NELL2: variants seen among roughly 807,000 people sequenced by gnomAD.
NELL2 encodes protein kinase C-binding protein NELL2.
A neutral mutation model predicts 109.6 loss-of-function variants in NELL2; 41 were observed. The observed-to-expected ratio is 0.37, with a 90% CI of 0.29 to 0.49. The LOEUF is 0.49. NELL2 is among the 20% of genes least tolerant of loss of function. The pLI is 0.98. For synonymous variants in NELL2, 355 were observed against 344.7 expected, an observed-to-expected ratio of 1.03 and a Z score of -0.33; for missense variants, 900 against 1,008.3, an observed-to-expected ratio of 0.89 and a Z score of 1.45.
At chr12:44,849,011 G>A (rs908234509) in intron 2 of NELL2, among the ~76,000 whole-genome samples, 2 of 152,110 alleles carry the variant, frequency 1.3e-5, no homozygotes, top group East Asian at 1.9e-4. Context: ...TAAGCAAAAC[G>A]ATGTTGTGAC....
chr12:44,624,476 C>G (rs1429790452), intron 13 of NELL2, among the ~76,000 whole-genome samples: 15 of 152,086 alleles, frequency 9.9e-5, no homozygotes, highest in Admixed American at 9.2e-4. Context: ...CAGCACCTCC[C>G]TCCTCACTAT....
At chr12:44,809,250 T>C (rs1351174363) in intron 3 of NELL2, among the ~76,000 whole-genome samples, 2 of 152,062 alleles carry the variant, frequency 1.3e-5, no homozygotes, top group Non-Finnish European at 2.9e-5. Flanking sequence ...ATAAATTTCT[T>C]TTATTTTTAC....
intron 13 of NELL2, among the ~76,000 whole-genome samples, chr12:44,613,391 A>T (rs573586025): frequency 1.4e-4 from 21 of 152,282 alleles, no homozygotes; most frequent in African/African-American, 5.1e-4. Context: ...AAATGAATAG[A>T]TGGGGCAAGA....
At chr12:44,786,268 A>G (rs1281028104) in intron 3 of NELL2, among the ~76,000 whole-genome samples, 1 of 152,216 alleles carries the variant, frequency 6.6e-6, no homozygotes, top group Non-Finnish European at 1.5e-5. Flanking sequence ...CAACAAACAC[A>G]TGAAAAAAAG....
chr12:44,693,825 C>T (rs1008712432), intron 12 of NELL2, among the ~76,000 whole-genome samples: 1 of 152,106 alleles, frequency 6.6e-6, no homozygotes, highest in African/African-American at 2.4e-5. Context: ...AGGAATGATT[C>T]TCATGAAAAA....
chr12:44,646,810 C>T (rs1207637295), intron 13 of NELL2, among the ~76,000 whole-genome samples: 1 of 152,124 alleles, frequency 6.6e-6, no homozygotes, highest in Non-Finnish European at 1.5e-5. Context: ...ATTTTGAATG[C>T]TAAGTCAAAA....
chr12:44,742,930 A>G (rs2136503729), intron 9 of NELL2, among the ~76,000 whole-genome samples: 1 of 152,326 alleles, frequency 6.6e-6, no homozygotes, highest in Non-Finnish European at 1.5e-5. Flanking sequence ...ACCAACATTC[A>G]GATTCAGGAA....
At chr12:44,828,894 A>G (rs1221884894) in intron 2 of NELL2, among the ~76,000 whole-genome samples, 2 of 152,206 alleles carry the variant, frequency 1.3e-5, no homozygotes, top group African/African-American at 4.8e-5. Flanking sequence ...ATTTTCCTCC[A>G]GAGACAGTAG....
intron 9 of NELL2, among the ~76,000 whole-genome samples, chr12:44,750,096 C>A (rs891804649): frequency 6.6e-6 from 1 of 152,100 alleles, no homozygotes; most frequent in Non-Finnish European, 1.5e-5. Context: ...GTCCCCTCCT[C>A]TGCAAAGGTT....
In NELL2 at chr12:44,613,489, C is replaced by T. The variant is rs147777227; in HGVS notation, c.1445-2519G>A. Among the ~76,000 whole-genome samples the T allele has an allele frequency of 1.8e-4, 28 of 152,162 alleles. No homozygotes were observed. The East Asian group carries it at 1.9e-3, about 10-fold the overall frequency. Reference sequence around the variant, plus strand: ...GCCAAACACAGAGCTCTTAAAAATCCGAGCTGTTTTTCACATTGATTTTAC... The same window carrying T: ...GCCAAACACAGAGCTCTTAAAAATCTGAGCTGTTTTTCACATTGATTTTAC... On this transcript the variant is annotated intron_variant, in intron 13 of 19. Coordinates refer to ENST00000429094, the MANE Select transcript of NELL2 (RefSeq NM_001145108.2).
intron 13 of NELL2, among the ~76,000 whole-genome samples, chr12:44,625,968 GA>G (rs113259665): frequency 6.7e-6 from 1 of 150,152 alleles, no homozygotes; most frequent in Non-Finnish European, 1.5e-5. Flanking sequence ...AAGGTAATTG[GA>G]AAAAAAAATC....
intron 1 of NELL2, among the ~76,000 whole-genome samples, chr12:44,910,603 C>G (rs1945768768): frequency 6.6e-6 from 1 of 151,844 alleles, no homozygotes; most frequent in Non-Finnish European, 1.5e-5. Context: ...AATTCCATTA[C>G]CAGATATATA....
chr12:44,816,946 C>CAT (rs1943373111), intron 2 of NELL2, among the ~76,000 whole-genome samples: 1 of 152,226 alleles, frequency 6.6e-6, no homozygotes, highest in Admixed American at 6.5e-5. Flanking sequence ...GCTAACTGAG[C>CAT]ATAGGCTCTC....
intron 9 of NELL2, among the ~76,000 whole-genome samples, chr12:44,774,219 T>C (rs1941661717): frequency 6.6e-6 from 1 of 152,232 alleles, no homozygotes; most frequent in Admixed American, 6.5e-5. Flanking sequence ...AACTGCTATA[T>C]AATGACTGCT....
At chr12:44,876,802 A>G, upstream of NELL2, 1 of 1,372,998 alleles carries the variant, frequency 7.3e-7, no homozygotes, top group South Asian at 1.7e-5. Flanking sequence ...GAGGAAGGCC[A>G]CCAAAACACG....
At chr12:44,591,131 G>T (rs1463504971) in intron 15 of NELL2, among the ~76,000 whole-genome samples, 1 of 152,122 alleles carries the variant, frequency 6.6e-6, no homozygotes, top group Non-Finnish European at 1.5e-5. Context: ...AATAACAAAT[G>T]CTGGCAAGGA....
rs1945311529 is a variant in NELL2 at position 44,876,093 on chromosome 12, G to T, written c.-224C>A. 1.5e-6 allele frequency: 2 copies of T among 1,354,016 alleles called. No individual in the cohort carries two copies. Among genetic ancestry groups the T allele is most frequent in the Admixed American group, 6.1e-5 (2 of 32,786 alleles). The allele number at this position is 1,354,016 out of a possible 1,614,324, so 83.9% of individuals were successfully genotyped here. A position where few individuals can be genotyped will look rare whatever the true frequency, so the allele number is the denominator to read the frequency against. Reference sequence around the variant, plus strand: ...TCCAATGCGCACATCATTCCCACACGCAGGGCCGAGGCGGCAGCGCGGCCC... The same window carrying T: ...TCCAATGCGCACATCATTCCCACACTCAGGGCCGAGGCGGCAGCGCGGCCC... On this transcript the variant is annotated 5_prime_UTR_variant, in exon 1 of 20. Coordinates refer to ENST00000429094, the MANE Select transcript of NELL2 (RefSeq NM_001145108.2).
chr12:44,671,213 C>G (rs1237770008), intron 12 of NELL2, among the ~76,000 whole-genome samples: 1 of 151,978 alleles, frequency 6.6e-6, no homozygotes. Flanking sequence ...ATAGAAATTA[C>G]GAAGACAATA....
intron 15 of NELL2, among the ~76,000 whole-genome samples, chr12:44,567,260 TA>T (rs993808819): frequency 3.3e-5 from 5 of 152,332 alleles, no homozygotes; most frequent in African/African-American, 9.6e-5. Context: ...TATTTCCTTT[TA>T]AAAATACATT....
Sources: allele counts gnomAD v4.1 joint callset (sites outside exome capture counted in the v4.1 genomes callset), GRCh38; gene constraint gnomAD v4.1.1; transcripts MANE v1.5; gene names NCBI Gene and HGNC (gene_info 2026-07-23, HGNC 2026-07-21).